The following KCNG3 variants were observed in gnomAD, a reference collection of about 807,000 sequenced individuals.
The protein encoded by KCNG3 is potassium voltage-gated channel modifier subfamily G member 3.
KCNG3 carries 15 observed loss-of-function variants against 29.0 expected under a neutral mutation model. The ratio of observed to expected loss-of-function variants is 0.52; its 90% confidence interval spans 0.35 to 0.80. The LOEUF (loss-of-function observed/expected upper bound fraction) is 0.80, where lower values mean the gene tolerates loss of function less well. Ranked by LOEUF, KCNG3 falls within the 30% of genes least tolerant of loss-of-function variation. The probability of loss-of-function intolerance (pLI) is 0.01; values close to 1 mark genes in which losing one functional copy is unlikely to be tolerated. For missense variants in KCNG3, 512 were observed against 605.7 expected (o/e 0.85, Z 1.62); for synonymous variants, 322 against 248.9 (o/e 1.29, Z -2.76).
chr2:42,454,695 ACT>A (rs1672838161), intron 1 of KCNG3, among the ~76,000 whole-genome samples: 1 of 151,584 alleles, frequency 6.6e-6, no homozygotes, highest in African/African-American at 2.4e-5. Context: ...ACAGAGCAAG[ACT>A]CTGCCTCAAA....
the KCNG3 span, among the ~76,000 whole-genome samples, chr2:42,390,527 G>C: frequency 1.3e-5 from 2 of 152,188 alleles, no homozygotes; most frequent in Non-Finnish European, 2.9e-5. Context: ...AGGGGCAAAA[G>C]TGAACGAAGG....
chr2:42,458,344 G>A (rs561349747), intron 1 of KCNG3, among the ~76,000 whole-genome samples: 1 of 152,252 alleles, frequency 6.6e-6, no homozygotes, highest in East Asian at 1.9e-4. Context: ...GCCCTTGCCT[G>A]AGGAATCTGG....
chr2:42,394,341 G>A, the KCNG3 span, among the ~76,000 whole-genome samples: 1 of 152,116 alleles, frequency 6.6e-6, no homozygotes, highest in Non-Finnish European at 1.5e-5. Context: ...CCTAAGGGTG[G>A]ATATCAGGCT....
rs576300800 is a variant in KCNG3 at position 42,493,513 on chromosome 2, C to T, written c.-12G>A. On this transcript the variant is annotated 5_prime_UTR_variant, in exon 1 of 2. Coordinates refer to ENST00000306078, the MANE Select transcript of KCNG3 (RefSeq NM_133329.6). ...CGCCCGAAGGTCATGGCTGGCCGCCCGGGGGACTTTCGGCCCGAGGGCCCC... is the reference window on the plus strand; with the variant it reads ...CGCCCGAAGGTCATGGCTGGCCGCCTGGGGGACTTTCGGCCCGAGGGCCCC... 5 of 1,354,438 alleles carry T rather than the reference C, an allele frequency of 3.7e-6. No individual in the cohort carries two copies. In the South Asian group the frequency reaches 9.5e-5, roughly 26 times the overall value. 83.9% of individuals were successfully genotyped at this position (1,354,438 alleles called of 1,614,324 possible). A position where few individuals can be genotyped will look rare whatever the true frequency, so the allele number is the denominator to read the frequency against.
At chr2:42,402,908 G>A in the KCNG3 span, among the ~76,000 whole-genome samples, 1 of 152,102 alleles carries the variant, frequency 6.6e-6, no homozygotes, top group African/African-American at 2.4e-5. Context: ...GTTTGTCAAA[G>A]GGCTACCAAA....
the KCNG3 span, among the ~76,000 whole-genome samples, chr2:42,434,926 G>C: frequency 4.3e-3 from 655 of 152,152 alleles, 3 homozygotes; most frequent in South Asian, 0.015. Context: ...AATAAAATTG[G>C]ACTCCTACTT....
chr2:42,438,654 A>G (rs1194041797), downstream of KCNG3, among the ~76,000 whole-genome samples: 2 of 152,242 alleles, frequency 1.3e-5, no homozygotes, highest in Non-Finnish European at 2.9e-5. Flanking sequence ...TAAACTGACA[A>G]TTGAGCTTAT....
intron 1 of KCNG3, among the ~76,000 whole-genome samples, chr2:42,491,777 T>C (rs1040795318): frequency 6.6e-6 from 1 of 152,206 alleles, no homozygotes. Context: ...GTAGAAGTAA[T>C]CCACTGCAAT....
chr2:42,476,908 G>A (rs1027648507), intron 1 of KCNG3, among the ~76,000 whole-genome samples: 4 of 151,262 alleles, frequency 2.6e-5, no homozygotes, highest in African/African-American at 4.9e-5. Context: ...GCTTAAGGCC[G>A]GGCGTGGTGG....
At chr2:42,487,897 C>T (rs556216237) in intron 1 of KCNG3, among the ~76,000 whole-genome samples, 88 of 152,254 alleles carry the variant, frequency 5.8e-4, no homozygotes, top group African/African-American at 1.5e-3. Flanking sequence ...TAGAATACTA[C>T]GAAGCTGCAG....
chr2:42,462,639 A>G (rs1027377406), intron 1 of KCNG3, among the ~76,000 whole-genome samples: 1 of 152,146 alleles, frequency 6.6e-6, no homozygotes, highest in Non-Finnish European at 1.5e-5. Flanking sequence ...CTGAGACTAC[A>G]GCACTGCACT....
chr2:42,400,735 G>A, the KCNG3 span, among the ~76,000 whole-genome samples: 4 of 151,778 alleles, frequency 2.6e-5, no homozygotes, highest in East Asian at 1.9e-4. Flanking sequence ...TGGACCTGCC[G>A]GAGTTTTTAT....
the KCNG3 span, chr2:42,413,818 T>G: frequency 1.3e-5 from 2 of 152,182 alleles, no homozygotes; most frequent in Non-Finnish European, 2.9e-5. Flanking sequence ...AACTCACTAT[T>G]GCGAAAACAG....
intron 1 of KCNG3, among the ~76,000 whole-genome samples, chr2:42,454,919 C>T (rs1038739903): frequency 1.3e-5 from 2 of 152,032 alleles, no homozygotes; most frequent in Admixed American, 1.3e-4. Flanking sequence ...TTGATGGGTA[C>T]AGGGCTTCAG....
chr2:42,476,500 T>G (rs68040695), intron 1 of KCNG3, among the ~76,000 whole-genome samples: 4 of 150,648 alleles, frequency 2.7e-5, no homozygotes, highest in Non-Finnish European at 4.4e-5. Flanking sequence ...AAAAAAAAAA[T>G]TTTTGAGACA....
chr2:42,476,819 C>A (rs2103719706), intron 1 of KCNG3, among the ~76,000 whole-genome samples: 1 of 151,174 alleles, frequency 6.6e-6, no homozygotes, highest in East Asian at 2.0e-4. Flanking sequence ...AAGCAAAGAA[C>A]TGATAATCAT....
At chr2:42,400,293 G>C in the KCNG3 span, among the ~76,000 whole-genome samples, 1 of 152,152 alleles carries the variant, frequency 6.6e-6, no homozygotes, top group Non-Finnish European at 1.5e-5. Context: ...GGGACCTGCA[G>C]GATGGAGGTC....
chr2:42,457,150 G>T (rs566938745), intron 1 of KCNG3, among the ~76,000 whole-genome samples: 1 of 152,006 alleles, frequency 6.6e-6, no homozygotes, highest in Non-Finnish European at 1.5e-5. Context: ...AATAGGTTTT[G>T]TTATGATCCC....
In KCNG3 at chr2:42,493,206, A is replaced by T. The variant is rs774950807; in HGVS notation, c.296T>A (p.Ile99Asn). The change falls in exon 1 of 2, where the codon ATC becomes AAC. Residue 99 changes from isoleucine (I) to asparagine (N), a missense_variant. By Grantham distance (149) the Ile-to-Asn change is moderately radical (BLOSUM62 -3). Around this residue, in one of 5 missense-constraint regions of KCNG3, gnomAD observed 228 missense variants for 200.0 expected, o/e 1.14. Coordinates refer to ENST00000306078, the MANE Select transcript of KCNG3 (RefSeq NM_133329.6). ...GTGCGCGCCCTCCAGGCCCCAGTAGATCATCTCGTTGTAGAAGGAGAGCTC... is the reference window on the plus strand; with the variant it reads ...GTGCGCGCCCTCCAGGCCCCAGTAGTTCATCTCGTTGTAGAAGGAGAGCTC... Reference protein sequence around the residue: ...MCELSFYNEMIYWGLEGAHLE... With the variant: ...MCELSFYNEMNYWGLEGAHLE... 6.2e-7 allele frequency: 1 copy of T among 1,611,088 alleles called. No individual in the cohort carries two copies. The highest frequency in any genetic ancestry group is 8.5e-7 in the Non-Finnish European group (1 of 1,179,846).
Sources: gnomAD v4.1 joint callset for allele counts (sites outside exome capture counted in the v4.1 genomes callset) on GRCh38, gnomAD v4.1.1 for gene constraint, gnomAD v4.1.1 regional missense constraint, MANE v1.5 for transcripts, NCBI Gene and HGNC (gene_info 2026-07-23, HGNC 2026-07-21) for gene names.